MUC12: variants seen among roughly 807,000 people sequenced by gnomAD.
The protein encoded by MUC12 is mucin 12, cell surface associated.
MUC12 carries 172 observed loss-of-function variants against 230.8 expected under a neutral mutation model. That is an observed-to-expected ratio of 0.75 (90% CI 0.66 to 0.85). MUC12 has a LOEUF of 0.85. Among genes scored for constraint, MUC12 ranks in the 40% least tolerant of loss-of-function variants. The pLI, the probability that MUC12 is intolerant of heterozygous loss-of-function variation, is 0.00. For missense variants in MUC12, 3,506 were observed against 5,920.6 expected (o/e 0.59, Z 13.38); for synonymous variants, 1,259 against 2,401.9 (o/e 0.52, Z 13.91).
intron 10 of MUC12, 77 bp downstream of exon 10, chr7:101,015,768 G>C (rs907898117): frequency 7.7e-7 from 1 of 1,293,556 alleles, no homozygotes; most frequent in African/African-American, 1.5e-5. Context: ...TGCCTGTGGG[G>C]GTGACGTGGG....
chr7:101,008,288 G>C (rs187116869), intron 3 of MUC12, among the ~76,000 whole-genome samples: 2 of 151,966 alleles, frequency 1.3e-5, no homozygotes, highest in Admixed American at 6.6e-5. Flanking sequence ...TACCATGCCT[G>C]GTTAATTTTT....
chr7:100,982,047 A>G (rs1793116684), intron 1 of MUC12, among the ~76,000 whole-genome samples: 1 of 151,926 alleles, frequency 6.6e-6, no homozygotes, highest in South Asian at 2.1e-4. Flanking sequence ...TTATATTTTT[A>G]GTAGAGATGA....
At chr7:100,970,636 T>G (rs1268088367) in intron 1 of MUC12, among the ~76,000 whole-genome samples, 3 of 151,996 alleles carry the variant, frequency 2.0e-5, no homozygotes, top group South Asian at 2.1e-4. Flanking sequence ...CACTTTGGGA[T>G]GCCGAGGCAG....
chr7:100,975,106 G>A (rs1793001267), intron 1 of MUC12, among the ~76,000 whole-genome samples: 2 of 152,298 alleles, frequency 1.3e-5, no homozygotes, highest in Admixed American at 1.3e-4. Flanking sequence ...CCTGGAATGG[G>A]GACACAGTCT....
In MUC12 at chr7:100,991,837, G is replaced by T. The variant is rs761189542; in HGVS notation, c.1274G>T (p.Arg425Leu). ...GGCTCAACTGAAACAACACACTTCC[G>T]TGATAGCTCCACAATCTCAGGCCGT... ...SLGSTETTHFRDSSTISGRSE... is the reference protein window; with the variant it reads ...SLGSTETTHFLDSSTISGRSE... Residue 425 changes from arginine to leucine, a missense_variant, in exon 2 of 12, where the codon CGT (arginine) becomes CTT (leucine). Transcript: ENST00000536621. 2.6e-6 allele frequency: 4 copies of T among 1,537,420 alleles called. No homozygotes were observed. The highest frequency in any genetic ancestry group is 2.0e-5 in the Admixed American group (1 of 50,980).
At chr7:101,006,621 C>A in intron 3 of MUC12, 49 bp downstream of exon 3, 2 of 1,259,836 alleles carry the variant, frequency 1.6e-6, no homozygotes, top group Non-Finnish European at 2.2e-6. Flanking sequence ...CCTTTCACCC[C>A]TGAAAACAGC....
At chr7:100,978,573 C>T (rs532132208) in intron 1 of MUC12, among the ~76,000 whole-genome samples, 1 of 152,298 alleles carries the variant, frequency 6.6e-6, no homozygotes, top group African/African-American at 2.4e-5. Context: ...GACCCTCCCT[C>T]CACACCCCGT....
chr7:101,011,208 G>C (rs959932269), intron 5 of MUC12, among the ~76,000 whole-genome samples: 6 of 152,044 alleles, frequency 3.9e-5, no homozygotes, highest in African/African-American at 1.4e-4. Context: ...GGAAGAGAGG[G>C]TCCCGGTGCC....
intron 7 of MUC12, 44 bp downstream of exon 7, chr7:101,012,934 G>A: frequency 2.0e-6 from 3 of 1,537,252 alleles, no homozygotes; most frequent in Non-Finnish European, 1.7e-6. Flanking sequence ...TGGGGGCTGG[G>A]ATGCTTTGGC....
At position 101,012,838 on chromosome 7, in the gene MUC12, T is replaced by C. The variant is rs747536539; in HGVS notation, c.15423T>C (p.Ser5141=). ...DSCRKAILCY[S]EEDTFVDSSV... ...CGGCAGAGGCCATACTGTGCTATAGTGAAGAGGACACTTTCGTGGATTCAT... is the reference window on the plus strand; with the variant it reads ...CGGCAGAGGCCATACTGTGCTATAGCGAAGAGGACACTTTCGTGGATTCAT... The change falls in exon 7 of 12, where the codon AGT becomes AGC. Residue 5141 remains serine (S), a synonymous_variant. Transcript: ENST00000536621. 4 of 1,537,276 alleles carry C rather than the reference T, an allele frequency of 2.6e-6. No individual in the cohort carries two copies. The South Asian group carries it at 3.6e-5, about 14-fold the overall frequency.
chr7:100,975,893 C>G (rs1332779852), intron 1 of MUC12, among the ~76,000 whole-genome samples: 5 of 152,388 alleles, frequency 3.3e-5, no homozygotes, highest in African/African-American at 9.6e-5. Flanking sequence ...GTGGGATGAG[C>G]TGGGGTCACC....
intron 1 of MUC12, among the ~76,000 whole-genome samples, chr7:100,984,135 T>C (rs954240535): frequency 6.6e-6 from 1 of 152,134 alleles, no homozygotes; most frequent in Non-Finnish European, 1.5e-5. Context: ...GAATTGGATA[T>C]GACACATACA....
intron 5 of MUC12, among the ~76,000 whole-genome samples, chr7:101,010,618 G>A (rs529395107): frequency 2.0e-5 from 3 of 152,138 alleles, no homozygotes; most frequent in African/African-American, 7.2e-5. Flanking sequence ...AGGTTCAAGT[G>A]ATTATCCTGC....
chr7:100,974,632 C>A (rs1433111588), intron 1 of MUC12, among the ~76,000 whole-genome samples: 1 of 152,120 alleles, frequency 6.6e-6, no homozygotes, highest in Admixed American at 6.6e-5. Flanking sequence ...CCAGACTGAG[C>A]AACATAGGGA....
chr7:100,980,330 C>A (rs955590037), intron 1 of MUC12, among the ~76,000 whole-genome samples: 2 of 152,170 alleles, frequency 1.3e-5, no homozygotes, highest in African/African-American at 4.8e-5. Context: ...GCGTGAGCCA[C>A]CATGCCCAGC....
chr7:100,977,565 C>G (rs1793052083), intron 1 of MUC12, among the ~76,000 whole-genome samples: 1 of 152,096 alleles, frequency 6.6e-6, no homozygotes, highest in African/African-American at 2.4e-5. Context: ...GGGGTTTCAC[C>G]ATGTCGGTCA....
In MUC12 at chr7:101,004,826, G is replaced by T. The variant is rs1402674380; in HGVS notation, c.14263G>T (p.Ala4755Ser). Residue 4755 changes from alanine to serine, a missense_variant, in exon 2 of 12, where the codon GCC (alanine) becomes TCC (serine). Physicochemically the swap from Ala to Ser is moderately conservative, Grantham distance 99. Transcript: ENST00000536621. Reference protein sequence around the residue: ...SRSPDQTLSPASMTSSSISGE... With the variant: ...SRSPDQTLSPSSMTSSSISGE... ...ATCACCAGACCAAACACTCTCACCT[G>T]CCAGCATGACAAGCTCCAGCATCAG... 3.9e-6 allele frequency: 6 copies of T among 1,537,012 alleles called. No homozygotes were observed. The highest frequency in any genetic ancestry group is 2.0e-5 in the Admixed American group (1 of 50,982).
Position 101,009,176 on chromosome 7 carries a change from G to A in MUC12, c.15251+17G>A. The A allele has an allele frequency of 1.3e-6, 2 of 1,536,254 alleles. No homozygotes were observed. Among genetic ancestry groups the A allele is most frequent in the South Asian group, 1.2e-5 (1 of 84,026 alleles). On this transcript the variant is annotated intron_variant, in intron 5 of 11. Coordinates refer to ENST00000536621, the MANE Select transcript of MUC12 (RefSeq NM_001164462.2). ...GAGATTGCTGTGAGTATATTGGGGGGCAGGTTTATAGATGTGGGGAAATCC... is the reference window on the plus strand; with the variant it reads ...GAGATTGCTGTGAGTATATTGGGGGACAGGTTTATAGATGTGGGGAAATCC...
chr7:100,975,535 G>C (rs1793013917), intron 1 of MUC12, among the ~76,000 whole-genome samples: 1 of 152,310 alleles, frequency 6.6e-6, no homozygotes, highest in African/African-American at 2.4e-5. Flanking sequence ...AAACACCAAA[G>C]GCTGGCTCTG....
Sources: allele counts gnomAD v4.1 joint callset (sites outside exome capture counted in the v4.1 genomes callset), GRCh38; gene constraint gnomAD v4.1.1; transcripts MANE v1.5; gene names NCBI Gene and HGNC (gene_info 2026-07-23, HGNC 2026-07-21).